Variants in ACTR3C observed in about 807,000 individuals in gnomAD.
ACTR3C encodes the protein actin related protein 3C, also known as actin-related protein 3C.
A neutral mutation model predicts 26.3 loss-of-function variants in ACTR3C; 18 were observed. The observed-to-expected ratio is 0.68, with a 90% CI of 0.47 to 1.01. The LOEUF (loss-of-function observed/expected upper bound fraction) is 1.01. Among genes scored for constraint, ACTR3C ranks in the 50% least tolerant of loss-of-function variants. The probability of loss-of-function intolerance (pLI) is 0.00; values close to 1 mark genes in which losing one functional copy is unlikely to be tolerated. For missense variants in ACTR3C, 184 were observed against 250.7 expected, an observed-to-expected ratio of 0.73 and a Z score of 1.80; for synonymous variants, 55 against 94.5, an observed-to-expected ratio of 0.58 and a Z score of 2.42.
At chr7:150,210,459 A>C in the ACTR3C span, among the ~76,000 whole-genome samples, 7 of 149,336 alleles carry the variant, frequency 4.7e-5, no homozygotes, top group Non-Finnish European at 7.4e-5. Context: ...TAATAGCCCA[A>C]AATTTGAAGT....
At chr7:150,152,878 GT>G in the ACTR3C span, among the ~76,000 whole-genome samples, 1 of 152,150 alleles carries the variant, frequency 6.6e-6, no homozygotes, top group Non-Finnish European at 1.5e-5. Flanking sequence ...GAGGGTGTAT[GT>G]GTCGAGGAAT....
chr7:149,996,479 T>C, the ACTR3C span, among the ~76,000 whole-genome samples: 1 of 149,430 alleles, frequency 6.7e-6, no homozygotes, highest in African/African-American at 2.4e-5. Context: ...AACAGGCAGG[T>C]GGTCTTCAAT....
the ACTR3C span, among the ~76,000 whole-genome samples, chr7:149,933,037 G>A: frequency 7.1e-6 from 1 of 141,260 alleles, no homozygotes; most frequent in Non-Finnish European, 1.5e-5. Context: ...GAAGCTGAGT[G>A]AGACTCTTGT....
At chr7:150,177,747 T>G in the ACTR3C span, among the ~76,000 whole-genome samples, 110 of 150,918 alleles carry the variant, frequency 7.3e-4, 8 homozygotes, top group African/African-American at 2.7e-3. Flanking sequence ...ATTGTCTTAT[T>G]TCTCATATAT....
At chr7:150,163,751 T>TCC in the ACTR3C span, among the ~76,000 whole-genome samples, 1 of 151,978 alleles carries the variant, frequency 6.6e-6, no homozygotes, top group African/African-American at 2.4e-5. Flanking sequence ...ACGTGGAGCA[T>TCC]CCCCGTTCAG....
the ACTR3C span, among the ~76,000 whole-genome samples, chr7:149,886,995 A>G: frequency 6.6e-6 from 1 of 152,128 alleles, no homozygotes; most frequent in Non-Finnish European, 1.5e-5. Flanking sequence ...AACATAGCAA[A>G]CCAAATACAT....
At chr7:150,229,110 C>T in the ACTR3C span, among the ~76,000 whole-genome samples, 1 of 152,066 alleles carries the variant, frequency 6.6e-6, no homozygotes, top group Non-Finnish European at 1.5e-5. Context: ...TCTTGATAGA[C>T]AGTCGTGTTA....
At chr7:150,259,002 T>A (rs1224095906) in intron 6 of ACTR3C, among the ~76,000 whole-genome samples, 7 of 151,760 alleles carry the variant, frequency 4.6e-5, no homozygotes, top group African/African-American at 1.7e-4. Flanking sequence ...TTAGCAAAGA[T>A]GATTAGAAAT....
chr7:150,085,769 A>T, the ACTR3C span, among the ~76,000 whole-genome samples: 1 of 152,092 alleles, frequency 6.6e-6, no homozygotes, highest in Non-Finnish European at 1.5e-5. Flanking sequence ...TAAGAATTAG[A>T]TGGTTTGACC....
the ACTR3C span, among the ~76,000 whole-genome samples, chr7:150,200,177 G>A: frequency 2.6e-5 from 4 of 152,156 alleles, no homozygotes; most frequent in African/African-American, 7.2e-5. Context: ...TTGCTAAGTG[G>A]ACATTTTGAT....
At chr7:149,942,078 G>A in the ACTR3C span, among the ~76,000 whole-genome samples, 1 of 152,214 alleles carries the variant, frequency 6.6e-6, no homozygotes, top group Non-Finnish European at 1.5e-5. Context: ...TCGTGAGCTC[G>A]AATACTCCTT....
chr7:149,975,131 CTGTA>C, the ACTR3C span, among the ~76,000 whole-genome samples: 138 of 152,316 alleles, frequency 9.1e-4, no homozygotes, highest in African/African-American at 3.1e-3. Context: ...CTAAAATAGA[CTGTA>C]TGTGAGGTCA....
chr7:149,949,722 G>T, the ACTR3C span, among the ~76,000 whole-genome samples: 1 of 147,402 alleles, frequency 6.8e-6, no homozygotes, highest in East Asian at 1.9e-4. Context: ...TTCCTGCAAA[G>T]AAAAGCCAAG....
the ACTR3C span, among the ~76,000 whole-genome samples, chr7:150,045,343 T>C: frequency 8.5e-5 from 13 of 152,324 alleles, no homozygotes; most frequent in South Asian, 2.7e-3. Flanking sequence ...CTAAGAAGAG[T>C]GCATAAAAGT....
the ACTR3C span, among the ~76,000 whole-genome samples, chr7:150,004,186 T>G: frequency 0.024 from 3,679 of 151,874 alleles, 119 homozygotes; most frequent in African/African-American, 0.084. Context: ...TGATGTCATA[T>G]GTAGCATGTG....
At chr7:150,130,838 G>A in the ACTR3C span, among the ~76,000 whole-genome samples, 6 of 152,222 alleles carry the variant, frequency 3.9e-5, no homozygotes, top group Admixed American at 1.3e-4. Flanking sequence ...GCAACGACAC[G>A]GATGAATCTT....
At chr7:150,112,758 T>C in the ACTR3C span, among the ~76,000 whole-genome samples, 3 of 152,212 alleles carry the variant, frequency 2.0e-5, no homozygotes, top group Admixed American at 1.3e-4. Flanking sequence ...TAGAGAGCAG[T>C]TGCTGAGCAG....
At chr7:150,028,562 C>T in the ACTR3C span, among the ~76,000 whole-genome samples, 7 of 152,306 alleles carry the variant, frequency 4.6e-5, no homozygotes, top group Admixed American at 1.3e-4. Flanking sequence ...CGCCCGGCGC[C>T]GAGGCTGATC....
At chr7:150,132,578 AC>A in the ACTR3C span, among the ~76,000 whole-genome samples, 1 of 152,194 alleles carries the variant, frequency 6.6e-6, no homozygotes, top group South Asian at 2.1e-4. Context: ...ACAATGAGAT[AC>A]CAACTCGATG....
Sources: allele counts gnomAD v4.1 joint callset (sites outside exome capture counted in the v4.1 genomes callset), GRCh38; gene constraint gnomAD v4.1.1; transcripts MANE v1.5; gene names NCBI Gene and HGNC (gene_info 2026-07-23, HGNC 2026-07-21).